Variants in PPP1R3A observed in about 807,000 individuals in gnomAD.
The protein encoded by PPP1R3A is protein phosphatase 1 regulatory subunit 3A.
A neutral mutation model predicts 41.7 loss-of-function variants in PPP1R3A; 29 were observed. The ratio of observed to expected loss-of-function variants is 0.70; its 90% confidence interval spans 0.52 to 0.95. The LOEUF (loss-of-function observed/expected upper bound fraction) is 0.95, where lower values mean the gene tolerates loss of function less well. Ranked by LOEUF, PPP1R3A falls within the 40% of genes least tolerant of loss-of-function variation. The pLI is 0.00. For missense variants in PPP1R3A, 1,352 were observed against 1,292.4 expected (o/e 1.05, Z -0.71); for synonymous variants, 485 against 453.4 (o/e 1.07, Z -0.89).
chr7:113,888,431 T>A (rs534911088), intron 1 of PPP1R3A, among the ~76,000 whole-genome samples: 1 of 152,150 alleles, frequency 6.6e-6, no homozygotes, highest in Non-Finnish European at 1.5e-5. Context: ...AGTTTTAATT[T>A]TTGTTGTAGC....
In PPP1R3A at chr7:113,877,964, T is replaced by C. The variant is rs200480987; in HGVS notation, c.3128A>G (p.Glu1043Gly). ...AGAAGCAGAGCTGTCAGATTCCTTT[T>C]CACCTGAAGTGTATAGTGATTGCCC... ...SSGQSLYTSG[E>G]KESDSSASTS... is the part of the protein sequence containing the mutation. Residue 1043 changes from glutamate to glycine, a missense_variant, in exon 4 of 4, where the codon GAA becomes GGA. Coordinates refer to ENST00000284601, the MANE Select transcript of PPP1R3A (RefSeq NM_002711.4). The C allele has an allele frequency of 4.6e-5, 74 of 1,613,456 alleles. 1 individual carries two copies. The Admixed American group carries it at 5.2e-4, about 11-fold the overall frequency.
intron 1 of PPP1R3A, among the ~76,000 whole-genome samples, chr7:113,900,823 A>C (rs953554910): frequency 1.2e-4 from 18 of 149,774 alleles, no homozygotes; most frequent in Non-Finnish European, 4.4e-5. Flanking sequence ...TAATTTTATA[A>C]AAAATATTTC....
intron 1 of PPP1R3A, among the ~76,000 whole-genome samples, chr7:113,903,175 A>T (rs1479538681): frequency 6.6e-5 from 10 of 151,808 alleles, no homozygotes. Context: ...AATCTTTTTC[A>T]CTAGGTAAAA....
At chr7:113,880,260 T>C (rs967336554) in intron 3 of PPP1R3A, 135 bp from the exon 4 acceptor site, 1 of 882,118 alleles carries the variant, frequency 1.1e-6, no homozygotes, top group Non-Finnish European at 1.7e-6. Flanking sequence ...GTGGATTTCA[T>C]ATAAACTCTG....
Position 113,882,130 on chromosome 7 carries a change from T to G in PPP1R3A, c.875A>C (p.Glu292Ala). 1 of 1,611,830 alleles carries G rather than the reference T, an allele frequency of 6.2e-7. No individual in the cohort carries two copies. Among genetic ancestry groups the G allele is most frequent in the Non-Finnish European group, 8.5e-7 (1 of 1,178,348 alleles). ...TYIPTIICSH[E>A]DKEDLEASNR... ...ACTGGCTTCCAAATCTTCCTTGTCC[T>G]CATGAGAACAAATGATTGTTGGGAT... Residue 292 changes from glutamate to alanine, a missense_variant, in exon 3 of 4, where the codon GAG becomes GCG. By Grantham distance (107) the Glu-to-Ala change is moderately radical. Transcript: ENST00000284601.
rs371249499 is a variant in PPP1R3A, at chr7:113,876,909, T to C, written c.*814A>G. ...TACAAATTCATTCTGAAGCAATGCTTGTGGAAATTTTAATTTACATTTTCA... is the reference window on the plus strand; with the variant it reads ...TACAAATTCATTCTGAAGCAATGCTCGTGGAAATTTTAATTTACATTTTCA... On this transcript the variant is annotated 3_prime_UTR_variant, in exon 4 of 4. Transcript: ENST00000284601. 1 of 151,990 alleles carries C rather than the reference T, an allele frequency of 6.6e-6. No individual in the cohort carries two copies. 9.4% of individuals were successfully genotyped at this position (151,990 alleles called of 1,614,324 possible). A position where few individuals can be genotyped will look rare whatever the true frequency, so the allele number is the denominator to read the frequency against.
intron 1 of PPP1R3A, among the ~76,000 whole-genome samples, chr7:113,893,014 C>G (rs1433455036): frequency 6.6e-6 from 1 of 151,914 alleles, no homozygotes; most frequent in Non-Finnish European, 1.5e-5. Context: ...GCTGACCTTT[C>G]TCTCTAACAC....
In PPP1R3A at chr7:113,877,903, GC is replaced by G. The variant is rs1480385529; in HGVS notation, c.3188del (p.Gly1063AlafsTer21). ...TATATTTTGAAAACAAAGATTCGTT[GC>G]CTTGAGCTTGACTTTCCTCAACAGG... ...SLPVEESQAQ[G>X]NESLFSKYTN... is the part of the protein sequence containing the mutation. On this transcript the variant is annotated frameshift_variant, in exon 4 of 4. Transcript: ENST00000284601. LOFTEE classifies it high-confidence loss of function. The G allele has an allele frequency of 6.2e-7, 1 of 1,612,616 alleles. No homozygotes were observed. The highest frequency in any genetic ancestry group is 8.5e-7 in the Non-Finnish European group (1 of 1,179,026).
intron 1 of PPP1R3A, among the ~76,000 whole-genome samples, chr7:113,906,288 A>G (rs2129119473): frequency 6.6e-6 from 1 of 151,942 alleles, no homozygotes; most frequent in African/African-American, 2.4e-5. Context: ...TTTTTAACAT[A>G]TGTAAATATA....
intron 1 of PPP1R3A, among the ~76,000 whole-genome samples, chr7:113,904,167 G>C (rs1011684374): frequency 6.6e-6 from 1 of 151,738 alleles, no homozygotes; most frequent in Non-Finnish European, 1.5e-5. Flanking sequence ...ACCTAAAAGA[G>C]TTCTATGTAA....
chr7:113,904,869 G>A (rs946002312), intron 1 of PPP1R3A, among the ~76,000 whole-genome samples: 1 of 151,560 alleles, frequency 6.6e-6, no homozygotes, highest in African/African-American at 2.4e-5. Context: ...ATCTCACAAT[G>A]TTTTCACTGG....
At chr7:113,916,324 G>T (rs544132756) in intron 1 of PPP1R3A, among the ~76,000 whole-genome samples, 1 of 152,004 alleles carries the variant, frequency 6.6e-6, no homozygotes, top group South Asian at 2.1e-4. Context: ...AATGGTGTCC[G>T]CTGTGAATCC....
At chr7:113,895,309 T>C (rs891601557) in intron 1 of PPP1R3A, among the ~76,000 whole-genome samples, 4 of 151,958 alleles carry the variant, frequency 2.6e-5, no homozygotes, top group Non-Finnish European at 4.4e-5. Context: ...TTCAATATGT[T>C]TTATGGTAAA....
chr7:113,894,715 G>A lies in PPP1R3A; in HGVS notation c.783-12395C>T, dbSNP rs1796950344. ...GATTGTATAAAAAATCATTATTAGA[G>A]TCATGACCACTGAGTTAACTAATTC... is the stretch of plus-strand genomic sequence containing the variant. On this transcript the variant is annotated intron_variant, in intron 1 of 3. Transcript: ENST00000284601. Among the ~76,000 whole-genome samples, 9 of 151,840 alleles carry A rather than the reference G, an allele frequency of 5.9e-5. No homozygotes were observed. The South Asian group carries it at 1.9e-3, about 31-fold the overall frequency.
intron 1 of PPP1R3A, among the ~76,000 whole-genome samples, chr7:113,902,129 T>G (rs1797071873): frequency 6.6e-6 from 1 of 151,644 alleles, no homozygotes; most frequent in Admixed American, 6.6e-5. Context: ...CTTCTCTCTT[T>G]GTGTGTGTGT....
At position 113,892,070 on chromosome 7, in the gene PPP1R3A, C is replaced by T. The variant is rs553569828; in HGVS notation, c.783-9750G>A. On this transcript the variant is annotated intron_variant, in intron 1 of 3. Transcript: ENST00000284601. ...AGTGCTCAGAATTTTCTAAACAGGACCAAACTTGGAATTCTTGGGCATCAC... is the reference window on the plus strand; with the variant it reads ...AGTGCTCAGAATTTTCTAAACAGGATCAAACTTGGAATTCTTGGGCATCAC... 2.8e-4 allele frequency among the ~76,000 whole-genome samples: 43 copies of T among 152,088 alleles called. No homozygotes were observed. The South Asian group carries it at 8.5e-3, about 30-fold the overall frequency.
rs1324452699 is a variant in PPP1R3A at position 113,879,945 on chromosome 7, A to G, written c.1147T>C (p.Ser383Pro). 9 of 1,613,448 alleles carry G rather than the reference A, an allele frequency of 5.6e-6. No homozygotes were observed. The highest frequency in any genetic ancestry group is 6.8e-6 in the Non-Finnish European group (8 of 1,179,688). ...SLSPSSSAES[S>P]VKGDFYCNEK... is the part of the protein sequence containing the mutation. ...TTGCAGTAAAAATCTCCCTTTACGG[A>G]GCTTTCTGCTGATGAACTTGGAGAC... is the stretch of plus-strand genomic sequence containing the variant. The change falls in exon 4 of 4, where the codon TCC becomes CCC. Residue 383 changes from serine to proline, a missense_variant. Transcript: ENST00000284601.
intron 1 of PPP1R3A, among the ~76,000 whole-genome samples, chr7:113,907,684 C>G (rs949073499): frequency 1.2e-4 from 18 of 151,668 alleles, no homozygotes; most frequent in Admixed American, 9.9e-4. Context: ...AATTTTTGAA[C>G]TTTTCACAAG....
intron 1 of PPP1R3A, among the ~76,000 whole-genome samples, chr7:113,898,529 C>G (rs1483489123): frequency 2.0e-5 from 3 of 151,742 alleles, no homozygotes; most frequent in Non-Finnish European, 2.9e-5. Flanking sequence ...ATCTTAGTGA[C>G]AAAGATAATG....
Sources: allele counts gnomAD v4.1 joint callset (sites outside exome capture counted in the v4.1 genomes callset), GRCh38; gene constraint gnomAD v4.1.1; transcripts MANE v1.5; gene names NCBI Gene and HGNC (gene_info 2026-07-23, HGNC 2026-07-21).